The following WDR41 variants were observed in gnomAD, a reference collection of about 807,000 sequenced individuals.
WDR41 encodes WD repeat domain 41.
Under a neutral mutation model 69.3 loss-of-function variants are expected in WDR41, and 63 were observed. The ratio of observed to expected loss-of-function variants is 0.91; its 90% confidence interval spans 0.74 to 1.12. WDR41 has a LOEUF of 1.12. Among genes scored for constraint, WDR41 ranks in the 50% most tolerant of loss-of-function variants. The pLI is 0.00. For synonymous variants in WDR41, 185 were observed against 192.1 expected (o/e 0.96, Z 0.31); for missense variants, 543 against 534.5 (o/e 1.02, Z -0.16).
chr5:77,475,540 G>A (rs1800874058), intron 2 of WDR41, among the ~76,000 whole-genome samples: 1 of 152,164 alleles, frequency 6.6e-6, no homozygotes. Flanking sequence ...CTAACTGGGA[G>A]GCACCCCCCA....
chr5:77,439,125 G>GT (rs1799059189), intron 9 of WDR41, among the ~76,000 whole-genome samples: 1 of 152,134 alleles, frequency 6.6e-6, no homozygotes, highest in African/African-American at 2.4e-5. Flanking sequence ...CATTCCTCAC[G>GT]TGACTCACAT....
chr5:77,514,003 A>G (rs917820488), intron 1 of WDR41, among the ~76,000 whole-genome samples: 4 of 152,114 alleles, frequency 2.6e-5, no homozygotes, highest in African/African-American at 9.7e-5. Context: ...TTTGTACTCT[A>G]AGAGTCAAAA....
intron 1 of WDR41, chr5:77,546,214 A>G (rs904280379): frequency 2.5e-6 from 1 of 403,866 alleles, no homozygotes; most frequent in African/African-American, 2.1e-5. Flanking sequence ...GTCAAGACCC[A>G]CTCTAGAGTC....
chr5:77,474,290 T>TG, intron 2 of WDR41, among the ~76,000 whole-genome samples: 1 of 148,906 alleles, frequency 6.7e-6, no homozygotes. Context: ...TGTTGTGGGG[T>TG]GGGGGGAGTG....
chr5:77,609,700 A>T (rs1744503464), intron 1 of WDR41, among the ~76,000 whole-genome samples: 1 of 152,230 alleles, frequency 6.6e-6, no homozygotes, highest in East Asian at 1.9e-4. Flanking sequence ...AACCACAAAG[A>T]TGGGGAAAAA....
chr5:77,568,104 G>A lies in WDR41; in HGVS notation c.42+52375C>T, dbSNP rs992301415. Among the ~76,000 whole-genome samples the A allele has an allele frequency of 3.3e-5, 5 of 152,130 alleles. No individual in the cohort carries two copies. The South Asian group carries it at 6.2e-4, about 19-fold the overall frequency. ...CACTTCCTCTAAAGCAAGAACTGATGAAAGTGTTTGCTTCCAGGGTATATA... is the reference window on the plus strand; with the variant it reads ...CACTTCCTCTAAAGCAAGAACTGATAAAAGTGTTTGCTTCCAGGGTATATA... On this transcript the variant is annotated intron_variant, in intron 1 of 5. Transcript: ENST00000509971.
intron 1 of WDR41, among the ~76,000 whole-genome samples, chr5:77,561,550 CTTA>C (rs1248472450): frequency 1.3e-5 from 2 of 151,952 alleles, no homozygotes; most frequent in Non-Finnish European, 2.9e-5. Context: ...ATACAGAAAT[CTTA>C]TTAATATATA....
chr5:77,464,599 G>A (rs1225006128), intron 3 of WDR41, among the ~76,000 whole-genome samples, 162 bp downstream of exon 3: 4 of 151,994 alleles, frequency 2.6e-5, no homozygotes, highest in Non-Finnish European at 5.9e-5. Flanking sequence ...TGAAATACTG[G>A]TCCCCACTGT....
At chr5:77,512,724 G>A (rs1436650180) in intron 1 of WDR41, among the ~76,000 whole-genome samples, 11 of 128,552 alleles carry the variant, frequency 8.6e-5, no homozygotes, top group African/African-American at 3.3e-4. Context: ...CTAGCCTGGC[G>A]AGAGAGCGAA....
At chr5:77,541,487 C>CTTTTTTT (rs11335010) in intron 1 of WDR41, among the ~76,000 whole-genome samples, 1 of 97,826 alleles carries the variant, frequency 1.0e-5, no homozygotes, top group Non-Finnish European at 2.0e-5. Context: ...AAAAGGAATT[C>CTTTTTTT]TTTTTTTTTT....
chr5:77,529,617 A>C (rs1802497260), intron 1 of WDR41, among the ~76,000 whole-genome samples: 1 of 151,592 alleles, frequency 6.6e-6, no homozygotes, highest in Non-Finnish European at 1.5e-5. Context: ...ATATATCAAA[A>C]TTTATTATAA....
intron 1 of WDR41, among the ~76,000 whole-genome samples, chr5:77,592,408 C>A (rs1326149167): frequency 2.0e-5 from 3 of 151,870 alleles, no homozygotes. Flanking sequence ...ATTTTTCTTT[C>A]TTGCCTTGTT....
intron 1 of WDR41, among the ~76,000 whole-genome samples, chr5:77,500,095 A>AAT (rs989409970): frequency 2.0e-4 from 31 of 152,228 alleles, no homozygotes; most frequent in Admixed American, 9.2e-4. Context: ...CACATGGAAA[A>AAT]ATATAATCAA....
At chr5:77,510,279 A>G (rs1802178712) in intron 1 of WDR41, among the ~76,000 whole-genome samples, 1 of 152,164 alleles carries the variant, frequency 6.6e-6, no homozygotes, top group Non-Finnish European at 1.5e-5. Context: ...AGATCTCGTG[A>G]GACCCATTCA....
intron 1 of WDR41, among the ~76,000 whole-genome samples, chr5:77,607,641 C>T (rs910565913): frequency 6.6e-6 from 1 of 152,172 alleles, no homozygotes; most frequent in East Asian, 1.9e-4. Flanking sequence ...GTGGTTTAAA[C>T]ACATTTAAGG....
chr5:77,609,317 C>T lies in WDR41; in HGVS notation c.42+11162G>A, dbSNP rs1046333138. On this transcript the variant is annotated intron_variant, in intron 1 of 5. Coordinates refer to the WDR41 transcript ENST00000509971. ...GAAGAGAGCAGTGGTTCTCCCAGCA[C>T]GCAGCTGGAGATCTGAGAACGGGCA... Among the ~76,000 whole-genome samples, 40 of 152,238 alleles carry T rather than the reference C, an allele frequency of 2.6e-4. No homozygotes were observed. In the South Asian group the frequency reaches 3.9e-3, roughly 15 times the overall value.
At chr5:77,460,357 A>T (rs1003687697) in intron 4 of WDR41, among the ~76,000 whole-genome samples, 2 of 152,224 alleles carry the variant, frequency 1.3e-5, no homozygotes, top group Non-Finnish European at 2.9e-5. Flanking sequence ...CTGCTAGCAT[A>T]CAAAAAATGC....
chr5:77,617,842 G>C lies in WDR41; in HGVS notation c.42+2637C>G, dbSNP rs567882616. Reference sequence around the variant, plus strand: ...ATGCAATTTAAAGGACTGAGTGTAGGAATAGTCTCATAAAACTTGAATGTT... The same window carrying C: ...ATGCAATTTAAAGGACTGAGTGTAGCAATAGTCTCATAAAACTTGAATGTT... On this transcript the variant is annotated intron_variant, in intron 1 of 5. Transcript: ENST00000509971. 5.9e-5 allele frequency among the ~76,000 whole-genome samples: 9 copies of C among 152,216 alleles called. 1 individual carries two copies. The highest frequency in any genetic ancestry group is 4.6e-4 in the Admixed American group (7 of 15,280).
chr5:77,522,702 C>T (rs545658808), intron 1 of WDR41, among the ~76,000 whole-genome samples: 6 of 151,920 alleles, frequency 3.9e-5, no homozygotes, highest in Non-Finnish European at 8.8e-5. Context: ...CCAAGAAGTA[C>T]ACCATCATAA....
Sources: gnomAD v4.1 joint callset for allele counts (sites outside exome capture counted in the v4.1 genomes callset) on GRCh38, gnomAD v4.1.1 for gene constraint, MANE v1.5 for transcripts, NCBI Gene and HGNC (gene_info 2026-07-23, HGNC 2026-07-21) for gene names.